Variants in DNAH11 observed in about 807,000 individuals in gnomAD.
The protein encoded by DNAH11 is dynein axonemal heavy chain 11.
A neutral mutation model predicts 526.0 loss-of-function variants in DNAH11; 442 were observed. The ratio of observed to expected loss-of-function variants is 0.84; its 90% CI spans 0.78 to 0.91. The LOEUF (loss-of-function observed/expected upper bound fraction) is 0.91, where lower values mean the gene tolerates loss of function less well. Ranked by LOEUF, DNAH11 falls within the 40% of genes least tolerant of loss-of-function variation. The pLI is 0.00. For missense variants in DNAH11, 6,989 were observed against 5,448.7 expected, an observed-to-expected ratio of 1.28 and a Z score of -8.90; for synonymous variants, 2,461 against 1,935.9, an observed-to-expected ratio of 1.27 and a Z score of -7.12.
intron 49 of DNAH11, 100 bp from the exon 50 acceptor site, chr7:21,744,338 C>G: frequency 7.9e-7 from 1 of 1,270,526 alleles, no homozygotes; most frequent in East Asian, 2.3e-5. Context: ...TTTCTTTTAA[C>G]CATTTGCTAA....
chr7:21,601,467 A>G lies in DNAH11; in HGVS notation c.3497A>G (p.His1166Arg). ...CAGAGAGAATTAAATGAAGGTGATC[A>G]TGATGGTTTAGTTGACATCATGGTG... The part of the protein sequence containing the change: ...GLQRELNEGD[H>R]DGLVDIMVHL... Residue 1166 changes from histidine (H) to arginine (R), a missense_variant, in exon 18 of 82, where the codon CAT (histidine) becomes CGT (arginine). His to Arg is a conservative substitution (Grantham distance 29, BLOSUM62 0). Transcript: ENST00000409508. 1 of 1,613,864 alleles carries G rather than the reference A, an allele frequency of 6.2e-7. No homozygotes were observed. Among genetic ancestry groups the G allele is most frequent in the Non-Finnish European group, 8.5e-7 (1 of 1,179,820 alleles).
intron 53 of DNAH11, among the ~76,000 whole-genome samples, 199 bp downstream of exon 53, chr7:21,750,000 A>G (rs1238479214): frequency 1.3e-5 from 2 of 152,128 alleles, no homozygotes; most frequent in African/African-American, 4.8e-5. Context: ...AGTGAAGTAA[A>G]TGTTATTCTT....
intron 14 of DNAH11, among the ~76,000 whole-genome samples, chr7:21,594,063 T>TACACACACAGAC (rs1784786238): frequency 7.3e-6 from 1 of 137,522 alleles, no homozygotes; most frequent in Non-Finnish European, 1.6e-5. Context: ...CATACACACA[T>TACACACACAGAC]ACACACACAC....
chr7:21,568,474 C>T (rs757123007), intron 6 of DNAH11, among the ~76,000 whole-genome samples: 1 of 152,126 alleles, frequency 6.6e-6, no homozygotes, highest in Admixed American at 6.5e-5. Flanking sequence ...AGTTTGTGGC[C>T]CCTAGTAGGG....
intron 25 of DNAH11, among the ~76,000 whole-genome samples, chr7:21,630,160 T>A (rs923482971): frequency 6.6e-6 from 1 of 151,772 alleles, no homozygotes; most frequent in Non-Finnish European, 1.5e-5. Context: ...TTATATTAGA[T>A]CACAAAGAAA....
intron 54 of DNAH11, among the ~76,000 whole-genome samples, chr7:21,763,065 C>A (rs1172429591): frequency 1.3e-5 from 2 of 152,068 alleles, no homozygotes; most frequent in African/African-American, 4.8e-5. Context: ...CATACAAGGC[C>A]AGGTGCGGTG....
intron 18 of DNAH11, 145 bp from the exon 19 acceptor site, chr7:21,606,281 C>T: frequency 3.0e-6 from 2 of 663,718 alleles, no homozygotes; most frequent in Admixed American, 3.1e-5. Flanking sequence ...TGAGATCATG[C>T]CAGTGCACTC....
chr7:21,764,432 G>C (rs541399680), intron 54 of DNAH11, among the ~76,000 whole-genome samples: 4 of 152,280 alleles, frequency 2.6e-5, no homozygotes, highest in African/African-American at 9.6e-5. Context: ...CACAAAGCTT[G>C]ATATCATCAG....
chr7:21,865,538 T>C (rs1370691680), intron 70 of DNAH11, among the ~76,000 whole-genome samples: 1 of 152,198 alleles, frequency 6.6e-6, no homozygotes, highest in African/African-American at 2.4e-5. Flanking sequence ...GGACAGTTAC[T>C]GGAACTTCAT....
Position 21,702,690 on chromosome 7 carries a change from T to C in DNAH11, c.6181-20T>C. 1 of 1,608,118 alleles carries C rather than the reference T, an allele frequency of 6.2e-7. No homozygotes were observed. Among genetic ancestry groups the C allele is most frequent in the African/African-American group, 1.3e-5 (1 of 74,932 alleles). On this transcript the variant is annotated intron_variant, in intron 36 of 81. Coordinates refer to ENST00000409508, the MANE Select transcript of DNAH11 (RefSeq NM_001277115.2). ...TTCCCTCATACAATTTTTGAGAAAA[T>C]AAACCTGTTTTGATTTTAGGATCAT...
intron 36 of DNAH11, among the ~76,000 whole-genome samples, chr7:21,701,537 G>T (rs150685055): frequency 6.6e-6 from 1 of 152,054 alleles, no homozygotes; most frequent in Non-Finnish European, 1.5e-5. Flanking sequence ...CAATCTGCCC[G>T]CCTCAGCCTT....
intron 6 of DNAH11, among the ~76,000 whole-genome samples, chr7:21,565,881 A>G (rs1783647188): frequency 6.6e-6 from 1 of 152,154 alleles, no homozygotes; most frequent in Non-Finnish European, 1.5e-5. Context: ...CAACAGGTCG[A>G]TTCCTTGCTA....
chr7:21,591,068 T>G, intron 13 of DNAH11, 46 bp downstream of exon 13: 1 of 1,378,696 alleles, frequency 7.3e-7, no homozygotes. Context: ...CTATTATGAA[T>G]ATAAATATTT....
At chr7:21,661,224 G>A (rs1475532185) in intron 30 of DNAH11, among the ~76,000 whole-genome samples, 1 of 151,920 alleles carries the variant, frequency 6.6e-6, no homozygotes, top group Non-Finnish European at 1.5e-5. Flanking sequence ...TATTATTTCA[G>A]ATCTTAATTA....
At chr7:21,560,751 T>C (rs942570063) in intron 4 of DNAH11, among the ~76,000 whole-genome samples, 3 of 152,114 alleles carry the variant, frequency 2.0e-5, no homozygotes, top group Admixed American at 1.3e-4. Flanking sequence ...AATGTTAGTC[T>C]CCTTTGGCAA....
At chr7:21,557,310 A>G (rs1205353219) in intron 2 of DNAH11, among the ~76,000 whole-genome samples, 1 of 152,146 alleles carries the variant, frequency 6.6e-6, no homozygotes, top group African/African-American at 2.4e-5. Flanking sequence ...AATTTCTGGA[A>G]TGCTTGTTGT....
At chr7:21,686,992 C>T (rs1783401391) in intron 32 of DNAH11, 107 bp from the exon 33 acceptor site, 2 of 994,766 alleles carry the variant, frequency 2.0e-6, no homozygotes, top group East Asian at 2.8e-5. Context: ...TTTTATGCTA[C>T]TATCACATTC....
chr7:21,683,699 G>A (rs1255217274), intron 31 of DNAH11, 85 bp from the exon 32 acceptor site: 10 of 1,367,744 alleles, frequency 7.3e-6, no homozygotes, highest in Non-Finnish European at 9.6e-6. Context: ...TTTTAGAAAT[G>A]TGAACCAGTA....
intron 6 of DNAH11, among the ~76,000 whole-genome samples, chr7:21,567,079 G>C (rs1783702503): frequency 6.6e-6 from 1 of 152,036 alleles, no homozygotes; most frequent in African/African-American, 2.4e-5. Context: ...TGGCTCTTGA[G>C]CAATATTTAA....
Sources: allele counts gnomAD v4.1 joint callset (sites outside exome capture counted in the v4.1 genomes callset), GRCh38; gene constraint gnomAD v4.1.1; transcripts MANE v1.5; gene names NCBI Gene and HGNC (gene_info 2026-07-23, HGNC 2026-07-21).